MYO16: variants seen among roughly 807,000 people sequenced by gnomAD.
MYO16 encodes unconventional myosin-XVI.
Under a neutral mutation model 205.3 loss-of-function variants are expected in MYO16, and 94 were observed. The ratio of observed to expected loss-of-function variants is 0.46; its 90% confidence interval spans 0.39 to 0.54. MYO16 has a LOEUF of 0.54. Among genes scored for constraint, MYO16 ranks in the 20% least tolerant of loss-of-function variants. The pLI, the probability that MYO16 is intolerant of heterozygous loss-of-function variation, is 0.00. For missense variants in MYO16, 2,315 were observed against 2,387.5 expected, an observed-to-expected ratio of 0.97 and a Z score of 0.63; for synonymous variants, 988 against 954.0, an observed-to-expected ratio of 1.04 and a Z score of -0.66.
intron 2 of MYO16, among the ~76,000 whole-genome samples, chr13:108,686,973 C>T (rs1036944388): frequency 6.6e-6 from 1 of 152,200 alleles, no homozygotes; most frequent in African/African-American, 2.4e-5. Context: ...CTGCTTACCC[C>T]ATCAGTCCCC....
chr13:108,622,787 G>A (rs912036392), intron 1 of MYO16, among the ~76,000 whole-genome samples: 2 of 152,028 alleles, frequency 1.3e-5, no homozygotes, highest in Admixed American at 6.6e-5. Context: ...TCAGAGACAT[G>A]GATCAGAGCA....
rs1310225733 is a variant in MYO16 at position 108,823,199 on chromosome 13, C to T, written c.1018C>T (p.Pro340Ser). 1.9e-6 allele frequency: 3 copies of T among 1,612,980 alleles called. No individual in the cohort carries two copies. The highest frequency in any genetic ancestry group is 2.2e-5 in the East Asian group (1 of 44,846). The change falls in exon 9 of 35, where the codon CCT becomes TCT. Residue 340 changes from proline to serine, a missense_variant. Coordinates refer to ENST00000457511, the MANE Select transcript of MYO16 (RefSeq NM_001198950.3). ...EIAWEEKMKE[P>S]LSASTLAQEE... ...TGCCTGGGAAGAAAAAATGAAAGAG[C>T]CTTTATCTGCTTCTACCTTAGCTCA...
intron 4 of MYO16, among the ~76,000 whole-genome samples, chr13:108,752,578 C>A (rs1372638183): frequency 6.6e-6 from 1 of 151,898 alleles, no homozygotes; most frequent in East Asian, 1.9e-4. Context: ...TGCCATTAAA[C>A]TTTTATGAGA....
chr13:109,049,279 T>C (rs9555547), intron 24 of MYO16, among the ~76,000 whole-genome samples: 51,064 of 151,906 alleles, frequency 0.34, 9,543 homozygotes, highest in East Asian at 0.83. Context: ...GAGAGAAATA[T>C]GCCTCTTCAC....
At chr13:108,902,439 G>T (rs1880755903) in intron 15 of MYO16, among the ~76,000 whole-genome samples, 1 of 152,220 alleles carries the variant, frequency 6.6e-6, no homozygotes, top group South Asian at 2.1e-4. Context: ...ACTGAACGGG[G>T]TTGATATTAG....
intron 12 of MYO16, among the ~76,000 whole-genome samples, chr13:108,879,974 A>G (rs1879527026): frequency 6.6e-6 from 1 of 152,218 alleles, no homozygotes; most frequent in African/African-American, 2.4e-5. Flanking sequence ...TTACAGTCCC[A>G]CAAACAGTGT....
the MYO16 span, among the ~76,000 whole-genome samples, chr13:108,580,715 G>T: frequency 2.0e-5 from 3 of 152,194 alleles, no homozygotes; most frequent in African/African-American, 7.2e-5. Context: ...GAAGTGGAAT[G>T]CCCCATTTGC....
In MYO16 at chr13:108,753,788, C is replaced by T. The variant is rs114731090; in HGVS notation, c.507+26205C>T. Among the ~76,000 whole-genome samples, 1,186 of 152,266 alleles carry T rather than the reference C, an allele frequency of 7.8e-3. 13 individuals carry two copies. The highest frequency in any genetic ancestry group is 0.027 in the African/African-American group (1,125 of 41,542). ...ACAATTAGCTGGAAAAGAATCAAGACCTACATTAACTTGCACAAAGTAGGA... is the reference window on the plus strand; with the variant it reads ...ACAATTAGCTGGAAAAGAATCAAGATCTACATTAACTTGCACAAAGTAGGA... On this transcript the variant is annotated intron_variant, in intron 4 of 34. Coordinates refer to ENST00000457511, the MANE Select transcript of MYO16 (RefSeq NM_001198950.3).
intron 4 of MYO16, among the ~76,000 whole-genome samples, chr13:108,728,009 C>T (rs778606830): frequency 7.9e-5 from 12 of 151,966 alleles, no homozygotes; most frequent in East Asian, 3.9e-4. Context: ...TACATGAAAA[C>T]GGGAACTTTA....
intron 11 of MYO16, among the ~76,000 whole-genome samples, chr13:108,857,751 C>T (rs74439612): frequency 6.6e-6 from 1 of 152,144 alleles, no homozygotes; most frequent in Non-Finnish European, 1.5e-5. Context: ...TGCTGTTTCC[C>T]TCTTAAACAG....
the MYO16 span, among the ~76,000 whole-genome samples, chr13:108,554,577 T>C: frequency 1.1e-4 from 16 of 152,080 alleles, no homozygotes; most frequent in South Asian, 2.1e-4. Context: ...CAGCCGGGCG[T>C]GGTGGCTCAC....
At chr13:108,836,743 T>G (rs1321121803) in intron 9 of MYO16, among the ~76,000 whole-genome samples, 1 of 152,160 alleles carries the variant, frequency 6.6e-6, no homozygotes. Flanking sequence ...ACTGCCCTGT[T>G]GTATTTTGGA....
At position 108,654,446 on chromosome 13, in the gene MYO16, G is replaced by A. The variant is rs910336159; in HGVS notation, c.29-11440G>A. Among the ~76,000 whole-genome samples, 11 of 152,246 alleles carry A rather than the reference G, an allele frequency of 7.2e-5. 2 individuals carry two copies. The highest frequency in any genetic ancestry group is 3.4e-3 in the Middle Eastern group (1 of 294). ...CTTTTGCCTTCCGCCATGATTCTGA[G>A]GCGTCCCCAGCCATGTGGAATTGTA... On this transcript the variant is annotated intron_variant, in intron 1 of 34. Coordinates refer to ENST00000457511, the MANE Select transcript of MYO16 (RefSeq NM_001198950.3).
At chr13:108,919,093 A>C (rs1420059847) in intron 16 of MYO16, among the ~76,000 whole-genome samples, 3 of 152,126 alleles carry the variant, frequency 2.0e-5, no homozygotes, top group African/African-American at 4.8e-5. Context: ...CTCTTTTCAG[A>C]GTTTTGTTTC....
intron 28 of MYO16, among the ~76,000 whole-genome samples, chr13:109,108,438 C>T (rs565626217): frequency 2.6e-5 from 4 of 152,196 alleles, no homozygotes; most frequent in Non-Finnish European, 4.4e-5. Flanking sequence ...TACTATCTGG[C>T]ACCTACTAAT....
intron 31 of MYO16, among the ~76,000 whole-genome samples, chr13:109,131,042 C>G (rs895536515): frequency 6.6e-6 from 1 of 151,978 alleles, no homozygotes; most frequent in Non-Finnish European, 1.5e-5. Flanking sequence ...CATCTAGTAA[C>G]GTGTCACAAA....
chr13:108,814,243 C>G (rs551543563), intron 7 of MYO16, among the ~76,000 whole-genome samples: 3 of 152,132 alleles, frequency 2.0e-5, no homozygotes, highest in Non-Finnish European at 2.9e-5. Flanking sequence ...GATACTCTAA[C>G]CTTTTTGCAA....
chr13:108,857,030 C>G (rs985209791), intron 11 of MYO16, among the ~76,000 whole-genome samples: 1 of 152,202 alleles, frequency 6.6e-6, no homozygotes, highest in Non-Finnish European at 1.5e-5. Context: ...GACTCTTCCT[C>G]ACTTATATCT....
chr13:109,114,087 C>A (rs1052569833), intron 28 of MYO16, among the ~76,000 whole-genome samples: 63 of 152,242 alleles, frequency 4.1e-4, no homozygotes, highest in African/African-American at 1.4e-3. Flanking sequence ...CACTGGGGAG[C>A]AGCAACATAG....
Sources: gnomAD v4.1 joint callset for allele counts (sites outside exome capture counted in the v4.1 genomes callset) on GRCh38, gnomAD v4.1.1 for gene constraint, MANE v1.5 for transcripts, NCBI Gene and HGNC (gene_info 2026-07-23, HGNC 2026-07-21) for gene names.